Variants in KIRREL1 observed in about 807,000 individuals in gnomAD.
KIRREL1 encodes the protein kirre like nephrin family adhesion molecule 1.
A neutral mutation model predicts 83.3 loss-of-function variants in KIRREL1; 25 were observed. The observed-to-expected ratio is 0.30, with a 90% CI of 0.22 to 0.42. The LOEUF (loss-of-function observed/expected upper bound fraction) is 0.42. KIRREL1 is among the 10% of genes least tolerant of loss of function. KIRREL1 has a pLI of 1.00. For missense variants in KIRREL1, 812 were observed against 1,032.3 expected (o/e 0.79, Z 2.92); for synonymous variants, 388 against 410.4 (o/e 0.95, Z 0.66).
rs1467126135 is a variant in KIRREL1 at position 158,096,681 on chromosome 1, TG to T, written c.*1562del. The T allele has an allele frequency of 4.4e-6, 2 of 456,602 alleles. No individual in the cohort carries two copies. The highest frequency in any genetic ancestry group is 8.8e-6 in the Non-Finnish European group (2 of 226,978). The allele number at this position is 456,602 out of a possible 1,614,324, so 28.3% of individuals were successfully genotyped here. A position where few individuals can be genotyped will look rare whatever the true frequency, so the allele number is the denominator to read the frequency against. The stretch of plus-strand genomic sequence containing the variant: ...ACGCACATCCAACACACACCTTCCA[TG>T]TGACTGCTTCTCAGCCACCACTTTC... On this transcript the variant is annotated 3_prime_UTR_variant, in exon 15 of 15. Coordinates refer to ENST00000359209, the MANE Select transcript of KIRREL1 (RefSeq NM_018240.7).
rs1662298501 is a variant in KIRREL1 at position 158,094,495 on chromosome 1, T to C, written c.1797+105T>C. 1 of 1,334,248 alleles carries C rather than the reference T, an allele frequency of 7.5e-7. No individual in the cohort carries two copies. The highest frequency in any genetic ancestry group is 2.3e-5 in the East Asian group (1 of 43,268). 82.7% of individuals were successfully genotyped at this position (1,334,248 alleles called of 1,614,324 possible). Reference sequence around the variant, plus strand: ...TGAGGACAGACTTGGGGAGGAGTGGTTGGGAGGGTTTTTGAAGGAGCAGAG... The same window carrying C: ...TGAGGACAGACTTGGGGAGGAGTGGCTGGGAGGGTTTTTGAAGGAGCAGAG... On this transcript the variant is annotated intron_variant, in intron 14 of 14. Coordinates refer to ENST00000359209, the MANE Select transcript of KIRREL1 (RefSeq NM_018240.7). This position sits in a 1 kb window ranked among gnomAD's most constrained non-coding sequence, Gnocchi z 4.6.
chr1:158,059,757 T>C (rs1570962836), intron 1 of KIRREL1, among the ~76,000 whole-genome samples: 1 of 152,194 alleles, frequency 6.6e-6, no homozygotes. Flanking sequence ...GTTTGGCTTA[T>C]TATGTTCTTA....
At chr1:158,033,572 C>T (rs925638914) in intron 1 of KIRREL1, among the ~76,000 whole-genome samples, 12 of 152,198 alleles carry the variant, frequency 7.9e-5, no homozygotes, top group Non-Finnish European at 1.3e-4. Flanking sequence ...CCTCATGCTC[C>T]CACTGCCCCA....
intron 1 of KIRREL1, among the ~76,000 whole-genome samples, chr1:158,069,276 G>A (rs1023939469): frequency 6.6e-6 from 1 of 151,090 alleles, no homozygotes; most frequent in Non-Finnish European, 1.5e-5. Flanking sequence ...TGGTACATGT[G>A]TCCCTATAAG....
intron 1 of KIRREL1, among the ~76,000 whole-genome samples, chr1:158,071,254 T>G (rs930630233): frequency 5.9e-5 from 9 of 152,222 alleles, no homozygotes; most frequent in African/African-American, 1.9e-4. Flanking sequence ...TAGTCTCCTT[T>G]CCCTCCTCGC....
chr1:158,080,480 C>T (rs1043574020), intron 3 of KIRREL1, among the ~76,000 whole-genome samples: 3 of 152,106 alleles, frequency 2.0e-5, no homozygotes, highest in Non-Finnish European at 2.9e-5. Context: ...GCAGGAGAGC[C>T]GACTGGCTTG....
At chr1:158,015,506 C>G (rs747652876) in intron 1 of KIRREL1, among the ~76,000 whole-genome samples, 28 of 152,284 alleles carry the variant, frequency 1.8e-4, no homozygotes, top group South Asian at 1.5e-3. Context: ...GCCACCAGCC[C>G]TCACTGAGGA....
At position 158,091,522 on chromosome 1, in the gene KIRREL1, G is replaced by A. The variant is rs1181660026; in HGVS notation, c.1437G>A (p.Gly479=). The part of the protein sequence containing the change: ...HYNCTAWNSF[G]PGTAIIQLEE... Reference sequence around the variant, plus strand: ...ACTGCACCGCCTGGAACAGCTTCGGGCCAGGCACAGCCATCATCCAGCTGG... The same window carrying A: ...ACTGCACCGCCTGGAACAGCTTCGGACCAGGCACAGCCATCATCCAGCTGG... The change falls in exon 11 of 15, where the codon GGG becomes GGA. Residue 479 remains glycine (G), a synonymous_variant. Transcript: ENST00000359209. The A allele has an allele frequency of 3.1e-6, 5 of 1,614,124 alleles. No homozygotes were observed. In the African/African-American group the frequency reaches 5.3e-5, roughly 17 times the overall value.
intron 11 of KIRREL1, among the ~76,000 whole-genome samples, chr1:158,092,345 C>CT (rs11430850): frequency 0.42 from 46,621 of 110,856 alleles, 12,644 homozygotes; most frequent in East Asian, 0.67. Context: ...TCACTTCAGT[C>CT]TTTTTTTTTT....
At chr1:158,043,765 G>T (rs557123191) in intron 1 of KIRREL1, among the ~76,000 whole-genome samples, 1 of 152,176 alleles carries the variant, frequency 6.6e-6, no homozygotes. Flanking sequence ...GACACTGGGG[G>T]TGGGGGTGCG....
chr1:158,037,911 A>C (rs567016517), intron 1 of KIRREL1, among the ~76,000 whole-genome samples: 24 of 152,352 alleles, frequency 1.6e-4, no homozygotes, highest in African/African-American at 5.8e-4. Context: ...GGCTGAGCCC[A>C]GGGTGCCTGG....
intron 1 of KIRREL1, among the ~76,000 whole-genome samples, chr1:158,034,572 CCT>C (rs1332548073): frequency 6.6e-6 from 1 of 152,176 alleles, no homozygotes; most frequent in Non-Finnish European, 1.5e-5. Context: ...TTCAGAATCT[CCT>C]CTCGCCAGCT....
At chr1:158,051,098 C>T (rs1195638643) in intron 1 of KIRREL1, among the ~76,000 whole-genome samples, 1 of 152,202 alleles carries the variant, frequency 6.6e-6, no homozygotes, top group Admixed American at 6.5e-5. Flanking sequence ...TCAGTGCTGG[C>T]TGCATTGAAT....
At chr1:158,012,857 G>A (rs535466666) in intron 1 of KIRREL1, among the ~76,000 whole-genome samples, 5 of 152,352 alleles carry the variant, frequency 3.3e-5, no homozygotes, top group African/African-American at 1.2e-4. Context: ...CCAGAATGGG[G>A]AAATGACTTG....
At position 158,078,122 on chromosome 1, in the gene KIRREL1, G is replaced by A. The variant is rs1661741065; in HGVS notation, c.334G>A (p.Ala112Thr). Reference protein sequence around the residue: ...ATEAALRSRRAKLTVLIPPED... With the variant: ...ATEAALRSRRTKLTVLIPPED... The stretch of plus-strand genomic sequence containing the variant: ...GGAGGCCGCCCTGCGCTCTCGGCGG[G>A]CCAAACTCACCGTGCTCAGTAAGGA... The change falls in exon 3 of 15, where the codon GCC becomes ACC. Residue 112 changes from alanine to threonine, a missense_variant. By Grantham distance (58) the Ala-to-Thr change is moderately conservative. This residue lies in a region of KIRREL1 where 472 missense variants were observed against 626.8 expected (regional missense o/e 0.75). Coordinates refer to ENST00000359209, the MANE Select transcript of KIRREL1 (RefSeq NM_018240.7). 2 of 1,613,860 alleles carry A rather than the reference G, an allele frequency of 1.2e-6. No homozygotes were observed. The highest frequency in any genetic ancestry group is 2.2e-5 in the South Asian group (2 of 91,072).
At chr1:158,054,292 G>A (rs149042111) in intron 1 of KIRREL1, among the ~76,000 whole-genome samples, 72 of 151,574 alleles carry the variant, frequency 4.8e-4, no homozygotes, top group African/African-American at 1.6e-3. Flanking sequence ...GGTGAGGGCA[G>A]GACCAAAGGG....
Position 158,052,527 on chromosome 1 carries a change from C to T in KIRREL1, c.53-23586C>T, listed in dbSNP as rs572863591. On this transcript the variant is annotated intron_variant, in intron 1 of 14. Coordinates refer to ENST00000359209, the MANE Select transcript of KIRREL1 (RefSeq NM_018240.7). ...GGGCGCGGTGGCTCACGCCTGTAAT[C>T]CCAGCACTTTGGGAGGCCAAGGCAG... 2.0e-5 allele frequency among the ~76,000 whole-genome samples: 3 copies of T among 152,098 alleles called. No homozygotes were observed. In the East Asian group the frequency reaches 5.8e-4, roughly 29 times the overall value.
chr1:158,039,732 C>T (rs891278208), intron 1 of KIRREL1, among the ~76,000 whole-genome samples: 6 of 152,188 alleles, frequency 3.9e-5, no homozygotes, highest in African/African-American at 1.4e-4. Context: ...GATGTAAATA[C>T]AGTCTGGTCA....
At chr1:157,995,146 C>T (rs1487688137) in intron 1 of KIRREL1, among the ~76,000 whole-genome samples, 1 of 152,198 alleles carries the variant, frequency 6.6e-6, no homozygotes, top group Non-Finnish European at 1.5e-5. Context: ...TCCCTTCCTG[C>T]GTTTGTAGGT....
Sources: allele counts gnomAD v4.1 joint callset (sites outside exome capture counted in the v4.1 genomes callset), GRCh38; gene constraint gnomAD v4.1.1; regional missense constraint gnomAD v4.1.1; non-coding constraint Gnocchi (gnomAD v3.1); transcripts MANE v1.5; gene names NCBI Gene and HGNC (gene_info 2026-07-23, HGNC 2026-07-21).